ZNF277: variants seen among roughly 807,000 people sequenced by gnomAD.
ZNF277 encodes the protein nuclear receptor-interacting factor 4.
Under a neutral mutation model 60.7 loss-of-function variants are expected in ZNF277, and 55 were observed. The observed-to-expected ratio is 0.91, with a 90% confidence interval of 0.73 to 1.13. ZNF277 has a LOEUF of 1.13. Ranked by LOEUF, ZNF277 falls within the 50% of genes most tolerant of loss-of-function variation. The pLI is 0.00. For synonymous variants in ZNF277, 178 were observed against 179.3 expected, an observed-to-expected ratio of 0.99 and a Z score of 0.06; for missense variants, 510 against 523.0, an observed-to-expected ratio of 0.98 and a Z score of 0.24.
intron 1 of ZNF277, among the ~76,000 whole-genome samples, chr7:112,250,131 T>A (rs1791171261): frequency 6.6e-6 from 1 of 152,168 alleles, no homozygotes; most frequent in African/African-American, 2.4e-5. Context: ...AATGTGCACC[T>A]GGGGGTAGGT....
chr7:112,221,057 C>T lies in ZNF277; in HGVS notation c.91+14250C>T, dbSNP rs143346688. ...CTGCTGTTTGCCACCATCGCAGACC[C>T]GCCGCTGACCCGCCGCTGACTTCCA... On this transcript the variant is annotated intron_variant, in intron 1 of 11. Transcript: ENST00000361822. Among the ~76,000 whole-genome samples, 106 of 152,098 alleles carry T rather than the reference C, an allele frequency of 7.0e-4. 3 individuals are homozygous for T. The Middle Eastern group carries it at 0.014, about 20-fold the overall frequency.
intron 4 of ZNF277, among the ~76,000 whole-genome samples, chr7:112,296,811 G>GC: frequency 6.7e-6 from 1 of 149,532 alleles, no homozygotes; most frequent in East Asian, 2.0e-4. Flanking sequence ...GAAAACCTCA[G>GC]CATCTTTAGC....
intron 8 of ZNF277, among the ~76,000 whole-genome samples, chr7:112,337,355 C>T (rs1162668443): frequency 2.0e-5 from 3 of 152,218 alleles, no homozygotes; most frequent in Non-Finnish European, 2.9e-5. Context: ...CACCTCACAG[C>T]GTGTGCACTC....
At chr7:112,208,536 TC>T (rs1821640235) in intron 1 of ZNF277, among the ~76,000 whole-genome samples, 1 of 150,310 alleles carries the variant, frequency 6.7e-6, no homozygotes, top group Admixed American at 6.6e-5. Flanking sequence ...ACAGCACCAC[TC>T]CCCGAGTATT....
At chr7:112,327,848 C>T in intron 6 of ZNF277, 21 bp downstream of exon 6, 1 of 1,491,356 alleles carries the variant, frequency 6.7e-7, no homozygotes, top group Non-Finnish European at 9.2e-7. Context: ...ATTTATGAAA[C>T]ACTGCCTAAA....
At chr7:112,236,681 T>C (rs896031318) in intron 1 of ZNF277, among the ~76,000 whole-genome samples, 1 of 152,094 alleles carries the variant, frequency 6.6e-6, no homozygotes, top group African/African-American at 2.4e-5. Flanking sequence ...ATTCTACGAG[T>C]CCTCATTCAC....
rs1793454143 is a variant in ZNF277, at chr7:112,341,989, C to T, written c.1185-572C>T. Reference sequence around the variant, plus strand: ...AACCAGAATAACAAACTTTATATTCCGTAAGTGTTTCCTTTTGTGATTACC... The same window carrying T: ...AACCAGAATAACAAACTTTATATTCTGTAAGTGTTTCCTTTTGTGATTACC... On this transcript the variant is annotated intron_variant, in intron 11 of 11. Transcript: ENST00000361822. Among the ~76,000 whole-genome samples the T allele has an allele frequency of 2.6e-5, 4 of 152,086 alleles. No homozygotes were observed. In the South Asian group the frequency reaches 6.2e-4, roughly 24 times the overall value.
At chr7:112,329,075 A>C (rs927348218) in intron 6 of ZNF277, among the ~76,000 whole-genome samples, 4 of 152,150 alleles carry the variant, frequency 2.6e-5, no homozygotes, top group African/African-American at 9.7e-5. Flanking sequence ...TCACCCATAA[A>C]TTGTCAACTA....
intron 1 of ZNF277, among the ~76,000 whole-genome samples, chr7:112,211,019 A>C (rs951475070): frequency 6.6e-6 from 1 of 152,170 alleles, no homozygotes; most frequent in African/African-American, 2.4e-5. Context: ...TCCATATTGT[A>C]ATATTCTGTC....
intron 4 of ZNF277, among the ~76,000 whole-genome samples, chr7:112,305,966 A>C (rs1310747777): frequency 4.6e-5 from 7 of 152,138 alleles, no homozygotes; most frequent in African/African-American, 7.2e-5. Context: ...TATTATAAAT[A>C]AGTCACTTCA....
chr7:112,239,018 C>T (rs1032620212), intron 1 of ZNF277, among the ~76,000 whole-genome samples: 5 of 151,952 alleles, frequency 3.3e-5, no homozygotes, highest in Admixed American at 2.6e-4. Context: ...ACTAAAGAAC[C>T]CTGGAGCCTT....
chr7:112,240,725 TGACA>T (rs1790926912), intron 1 of ZNF277, among the ~76,000 whole-genome samples: 1 of 152,192 alleles, frequency 6.6e-6, no homozygotes, highest in Non-Finnish European at 1.5e-5. Context: ...AACTCATTTT[TGACA>T]AAGATGCCAA....
intron 1 of ZNF277, among the ~76,000 whole-genome samples, chr7:112,258,453 G>T (rs773768664): frequency 6.6e-6 from 1 of 150,854 alleles, no homozygotes; most frequent in South Asian, 2.1e-4. Flanking sequence ...GTATTTGGAC[G>T]TACTTACGCC....
At chr7:112,287,174 C>A in intron 2 of ZNF277, 100 bp downstream of exon 2, 2 of 1,251,206 alleles carry the variant, frequency 1.6e-6, no homozygotes, top group Non-Finnish European at 2.3e-6. Context: ...GGGAGGATCA[C>A]CCGAGGCCAG....
At chr7:112,247,805 T>C (rs1184670858) in intron 1 of ZNF277, among the ~76,000 whole-genome samples, 1 of 151,852 alleles carries the variant, frequency 6.6e-6, no homozygotes, top group East Asian at 1.9e-4. Flanking sequence ...CTGTCTCTAC[T>C]AAAAATACAA....
chr7:112,214,560 C>T (rs1209439801), intron 1 of ZNF277, among the ~76,000 whole-genome samples: 1 of 152,128 alleles, frequency 6.6e-6, no homozygotes, highest in South Asian at 2.1e-4. Flanking sequence ...TTCTTTACTT[C>T]TCACTGATCA....
At chr7:112,342,276 G>C (rs1483951194) in intron 11 of ZNF277, among the ~76,000 whole-genome samples, 1 of 152,128 alleles carries the variant, frequency 6.6e-6, no homozygotes, top group African/African-American at 2.4e-5. Flanking sequence ...AGATGATCAA[G>C]CAGAGGCTAA....
rs554692519 is a variant in ZNF277 at position 112,315,510 on chromosome 7, TAG to T, written c.466-2669_466-2668del. On this transcript the variant is annotated intron_variant, in intron 4 of 11. Transcript: ENST00000361822. ...ATTAAAGCAAAAGAGCACAACAGTT[TAG>T]AGTCATTTGCAAAGTGATCCTGAAA... Among the ~76,000 whole-genome samples, 1,386 of 152,238 alleles carry T rather than the reference TAG, an allele frequency of 9.1e-3. 24 individuals are homozygous for T. Among genetic ancestry groups the T allele is most frequent in the Non-Finnish European group, 0.016 (1,070 of 67,970 alleles).
At chr7:112,231,402 C>T (rs960325562) in intron 1 of ZNF277, among the ~76,000 whole-genome samples, 1 of 152,088 alleles carries the variant, frequency 6.6e-6, no homozygotes, top group Admixed American at 6.5e-5. Flanking sequence ...TACTGCAAAT[C>T]CTTTGTTCTG....
Sources: allele counts gnomAD v4.1 joint callset (sites outside exome capture counted in the v4.1 genomes callset), GRCh38; gene constraint gnomAD v4.1.1; transcripts MANE v1.5; gene names NCBI Gene and HGNC (gene_info 2026-07-23, HGNC 2026-07-21).